PHACTR1: variants seen among roughly 807,000 people sequenced by gnomAD.
The protein encoded by PHACTR1 is phosphatase and actin regulator 1, also known as RPEL repeat containing 1.
In PHACTR1, 16 loss-of-function variants were observed where a neutral mutation model predicts 69.2. The ratio of observed to expected loss-of-function variants is 0.23; its 90% CI spans 0.16 to 0.35. The LOEUF (loss-of-function observed/expected upper bound fraction) is 0.35, where lower values mean the gene tolerates loss of function less well. Among genes scored for constraint, PHACTR1 ranks in the 10% least tolerant of loss-of-function variants. PHACTR1 has a pLI of 1.00. For missense variants in PHACTR1, 510 were observed against 734.7 expected, an observed-to-expected ratio of 0.69 and a Z score of 3.54; for synonymous variants, 312 against 284.5, an observed-to-expected ratio of 1.10 and a Z score of -0.97.
chr6:12,866,565 G>T (rs929360915), intron 4 of PHACTR1, among the ~76,000 whole-genome samples: 4 of 151,850 alleles, frequency 2.6e-5, no homozygotes, highest in African/African-American at 9.7e-5. Flanking sequence ...ACAAGGCTCC[G>T]CCCACTCAAT....
intron 3 of PHACTR1, among the ~76,000 whole-genome samples, chr6:12,743,423 C>T (rs923652985): frequency 6.6e-6 from 1 of 152,242 alleles, no homozygotes; most frequent in African/African-American, 2.4e-5. Flanking sequence ...TTTAAATTGG[C>T]TTTGATGGAA....
intron 3 of PHACTR1, among the ~76,000 whole-genome samples, chr6:12,727,172 T>A (rs913300900): frequency 6.6e-6 from 1 of 152,294 alleles, no homozygotes; most frequent in Admixed American, 6.5e-5. Context: ...AGACCTCTAA[T>A]TGCTCACACC....
At chr6:13,190,642 G>GC (rs982022467) in intron 7 of PHACTR1, among the ~76,000 whole-genome samples, 2 of 152,086 alleles carry the variant, frequency 1.3e-5, no homozygotes, top group Non-Finnish European at 2.9e-5. Context: ...AGAGTCAGGA[G>GC]CAGGGGTAAA....
chr6:13,135,224 A>T (rs1821365082), intron 5 of PHACTR1, among the ~76,000 whole-genome samples: 1 of 152,134 alleles, frequency 6.6e-6, no homozygotes, highest in Non-Finnish European at 1.5e-5. Context: ...CTGCCTCCTA[A>T]CACCTGCCAT....
chr6:13,088,312 A>C (rs1583302178), intron 5 of PHACTR1, among the ~76,000 whole-genome samples: 14 of 133,686 alleles, frequency 1.0e-4, no homozygotes, highest in South Asian at 5.0e-4. Context: ...ACCACGCCCC[A>C]CTACCCCCCG....
rs1173831631 is a variant in PHACTR1 at position 13,002,950 on chromosome 6, G to A, written c.251-50415G>A. On this transcript the variant is annotated intron_variant, in intron 4 of 14. Coordinates refer to ENST00000332995, the MANE Select transcript of PHACTR1 (RefSeq NM_030948.6). ...TATATTTACCTTGCATGCAAAACAA[G>A]TGTGTTTCATTTTTAAGGTAAATTT... 3.9e-5 allele frequency among the ~76,000 whole-genome samples: 6 copies of A among 152,152 alleles called. No homozygotes were observed. The South Asian group carries it at 6.2e-4, about 16-fold the overall frequency.
At chr6:12,732,141 GT>G (rs1475619661) in intron 3 of PHACTR1, among the ~76,000 whole-genome samples, 1 of 151,832 alleles carries the variant, frequency 6.6e-6, no homozygotes, top group East Asian at 1.9e-4. Flanking sequence ...CACATAACTT[GT>G]TTTTCCCTCT....
chr6:12,936,695 A>G (rs1789486528), intron 4 of PHACTR1, among the ~76,000 whole-genome samples: 2 of 152,258 alleles, frequency 1.3e-5, no homozygotes, highest in South Asian at 4.1e-4. Flanking sequence ...TCTATAGGAA[A>G]TGCGGCAGCA....
At chr6:13,104,009 G>A (rs554154560) in intron 5 of PHACTR1, among the ~76,000 whole-genome samples, 5 of 152,160 alleles carry the variant, frequency 3.3e-5, no homozygotes, top group African/African-American at 9.7e-5. Context: ...GCCTGAACCC[G>A]GGAGGTGAAG....
chr6:13,017,962 A>G (rs1479440747), intron 4 of PHACTR1, among the ~76,000 whole-genome samples: 6 of 152,216 alleles, frequency 3.9e-5, no homozygotes, highest in African/African-American at 1.4e-4. Context: ...ATTTTACTAT[A>G]TATGATTCCT....
intron 5 of PHACTR1, among the ~76,000 whole-genome samples, chr6:13,120,214 C>A (rs925877157): frequency 3.3e-5 from 5 of 152,144 alleles, no homozygotes; most frequent in African/African-American, 9.7e-5. Context: ...TTTTCCTTTC[C>A]TCCTTCTTCC....
intron 8 of PHACTR1, among the ~76,000 whole-genome samples, chr6:13,212,645 C>T (rs1278988451): frequency 6.6e-6 from 1 of 152,162 alleles, no homozygotes; most frequent in East Asian, 1.9e-4. Context: ...TGGTCTCCCT[C>T]GCTTCATCAG....
chr6:12,848,156 A>G (rs1042235813), intron 4 of PHACTR1, among the ~76,000 whole-genome samples: 2 of 152,186 alleles, frequency 1.3e-5, no homozygotes, highest in Admixed American at 6.5e-5. Context: ...ACTAGGCTAG[A>G]TCAATAGCAC....
At chr6:13,120,438 G>A (rs1818532808) in intron 5 of PHACTR1, among the ~76,000 whole-genome samples, 1 of 152,196 alleles carries the variant, frequency 6.6e-6, no homozygotes, top group Non-Finnish European at 1.5e-5. Flanking sequence ...TCTTAAATGA[G>A]TTAAGGACAG....
intron 5 of PHACTR1, among the ~76,000 whole-genome samples, chr6:13,102,674 A>G (rs1474224054): frequency 1.3e-5 from 2 of 152,184 alleles, no homozygotes; most frequent in Non-Finnish European, 2.9e-5. Flanking sequence ...TCAAGAATGT[A>G]CAAAATCACC....
intron 5 of PHACTR1, among the ~76,000 whole-genome samples, chr6:13,071,301 G>A (rs903438630): frequency 5.3e-5 from 8 of 152,082 alleles, no homozygotes; most frequent in East Asian, 3.9e-4. Context: ...GGTGGTGTGC[G>A]CCTGTAATCC....
chr6:13,001,293 T>C (rs1798068047), intron 4 of PHACTR1, among the ~76,000 whole-genome samples: 1 of 152,220 alleles, frequency 6.6e-6, no homozygotes, highest in Non-Finnish European at 1.5e-5. Flanking sequence ...CACTCTCAGC[T>C]TTCGAGTATT....
chr6:12,810,713 C>T (rs56270763), intron 4 of PHACTR1, among the ~76,000 whole-genome samples: 9,805 of 152,284 alleles, frequency 0.064, 431 homozygotes, highest in Admixed American at 0.1. Flanking sequence ...TGACTCTGCT[C>T]TTCTCACCAC....
chr6:12,836,068 T>C (rs1778127362), intron 4 of PHACTR1, among the ~76,000 whole-genome samples: 1 of 152,086 alleles, frequency 6.6e-6, no homozygotes, highest in Non-Finnish European at 1.5e-5. Context: ...ACAACAATAA[T>C]AATGGTTGCA....
Sources: allele counts gnomAD v4.1 joint callset (sites outside exome capture counted in the v4.1 genomes callset), GRCh38; gene constraint gnomAD v4.1.1; transcripts MANE v1.5; gene names NCBI Gene and HGNC (gene_info 2026-07-23, HGNC 2026-07-21).